SPON2: variants seen among roughly 807,000 people sequenced by gnomAD.
The protein encoded by SPON2 is spondin-2.
Under a neutral mutation model 29.9 loss-of-function variants are expected in SPON2, and 32 were observed. The observed-to-expected ratio is 1.07, with a 90% CI of 0.81 to 1.44. The LOEUF is 1.44. SPON2 is among the 40% of genes most tolerant of loss of function. The pLI is 0.00. For missense variants in SPON2, 541 were observed against 455.5 expected (o/e 1.19, Z -1.71); for synonymous variants, 248 against 209.1 (o/e 1.19, Z -1.61).
At position 1,170,603 on chromosome 4, in the gene SPON2, C is replaced by T. The variant is rs778330048; in HGVS notation, c.637-27G>A. 2.1e-5 allele frequency: 33 copies of T among 1,593,364 alleles called. 1 individual carries two copies. The highest frequency in any genetic ancestry group is 2.0e-4 in the South Asian group (18 of 89,406). ...TGGGGAGGAAGAAGAGGAGGTTGGCCTGGGGTCCGAGAAGCCCACCTTCTG... is the reference window on the plus strand; with the variant it reads ...TGGGGAGGAAGAAGAGGAGGTTGGCTTGGGGTCCGAGAAGCCCACCTTCTG... On this transcript the variant is annotated intron_variant, in intron 4 of 5. Transcript: ENST00000290902.
At chr4:1,196,426 G>A (rs996682491), upstream of SPON2, among the ~76,000 whole-genome samples, 1 of 152,246 alleles carries the variant, frequency 6.6e-6, no homozygotes, top group Non-Finnish European at 1.5e-5. Flanking sequence ...GGAAGTGCAC[G>A]TGAGCTCTGT....
chr4:1,183,105 G>C (rs1489589960), intron 1 of SPON2, among the ~76,000 whole-genome samples: 1 of 152,084 alleles, frequency 6.6e-6, no homozygotes, highest in Non-Finnish European at 1.5e-5. Context: ...GCTGGGTGTG[G>C]TGGTGCATGC....
At chr4:1,174,603 T>C (rs907673750), upstream of SPON2, among the ~76,000 whole-genome samples, 1 of 152,050 alleles carries the variant, frequency 6.6e-6, no homozygotes, top group Non-Finnish European at 1.5e-5. Context: ...ATTTTCTAAA[T>C]CATAACAGAA....
upstream of SPON2, among the ~76,000 whole-genome samples, chr4:1,196,525 G>A (rs369826140): frequency 3.5e-4 from 54 of 152,282 alleles, no homozygotes; most frequent in African/African-American, 1.2e-3. Context: ...GGTTACTCCC[G>A]AGACTCAGAG....
chr4:1,200,718 C>G (rs1217064193), intron 1 of SPON2: 1 of 432,004 alleles, frequency 2.3e-6, no homozygotes, highest in African/African-American at 2.0e-5. Context: ...GTGGACATCG[C>G]TGGACGGGGT....
Position 1,202,523 on chromosome 4 carries a change from C to T in SPON2, c.-234+5357G>A, listed in dbSNP as rs1477754414. On this transcript the variant is annotated intron_variant, in intron 1 of 3. Transcript: ENST00000509233. This position sits in a 1 kb window ranked among gnomAD's most constrained non-coding sequence, Gnocchi z 5.4. ...CAGGGGATGATCTTGGACTCCCTGC[C>T]CACCTTCCAGACACATGGGGGCAGG... Among the ~76,000 whole-genome samples the T allele has an allele frequency of 6.6e-6, 1 of 152,200 alleles. No individual in the cohort carries two copies. The highest frequency in any genetic ancestry group is 1.5e-5 in the Non-Finnish European group (1 of 68,024).
At chr4:1,194,237 G>T (rs1440698510) in intron 1 of SPON2, among the ~76,000 whole-genome samples, 2 of 152,154 alleles carry the variant, frequency 1.3e-5, no homozygotes, top group African/African-American at 4.8e-5. Flanking sequence ...TCGGCGAGGT[G>T]TGCGGGCCTC....
chr4:1,188,202 C>CAAAAAAAAAAAAAAAAAAAAAAAAAAAA, intron 1 of SPON2, among the ~76,000 whole-genome samples: 2 of 36,582 alleles, frequency 5.5e-5, no homozygotes, highest in Non-Finnish European at 1.1e-4. Flanking sequence ...GACTCCGTCT[C>CAAAAAAAAAAAAAAAAAAAAAAAAAAAA]AAAAAAAAAA....
chr4:1,190,799 C>T (rs1043310014), intron 1 of SPON2, among the ~76,000 whole-genome samples: 9 of 152,098 alleles, frequency 5.9e-5, no homozygotes, highest in African/African-American at 1.7e-4. Context: ...AAATCAGTCA[C>T]GTTTCTAAAA....
intron 2 of SPON2, among the ~76,000 whole-genome samples, chr4:1,179,211 A>T (rs1203825850): frequency 8.4e-6 from 1 of 118,562 alleles, no homozygotes; most frequent in Non-Finnish European, 2.0e-5. Flanking sequence ...GACTGCAGCC[A>T]CCATGCCAGG....
chr4:1,176,839 G>A (rs1560204738), upstream of SPON2, among the ~76,000 whole-genome samples: 4 of 147,630 alleles, frequency 2.7e-5, no homozygotes, highest in African/African-American at 1.0e-4. Context: ...CATTCACACA[G>A]TTCATTCACA....
chr4:1,207,657 T>C (rs1433791563), intron 1 of SPON2, among the ~76,000 whole-genome samples: 1 of 149,594 alleles, frequency 6.7e-6, no homozygotes, highest in African/African-American at 2.5e-5. Flanking sequence ...TGCCTAACCA[T>C]GCGCCGCGCT....
chr4:1,206,739 A>G (rs1728351222), intron 1 of SPON2, among the ~76,000 whole-genome samples: 1 of 152,204 alleles, frequency 6.6e-6, no homozygotes, highest in South Asian at 2.1e-4. Context: ...CTCAGGGGGC[A>G]GAAGAGCCGG....
At chr4:1,175,246 G>A (rs1727569563), upstream of SPON2, among the ~76,000 whole-genome samples, 2 of 152,264 alleles carry the variant, frequency 1.3e-5, no homozygotes, top group South Asian at 4.1e-4. Flanking sequence ...TCTGGGGCAT[G>A]TTCCTGTGTA....
At position 1,171,717 on chromosome 4, in the gene SPON2, G is replaced by A. The variant is rs1354715931; in HGVS notation, c.220+135C>T. 8 of 806,142 alleles carry A rather than the reference G, an allele frequency of 9.9e-6. 1 individual carries two copies. Among genetic ancestry groups the A allele is most frequent in the African/African-American group, 5.0e-5 (3 of 59,526 alleles). The allele number at this position is 806,142 out of a possible 1,614,324, so 49.9% of individuals were successfully genotyped here. ...CGGAACCGCACACCGCAGGCGCTCGGCAAACATTCTGGTGTTAGAGTCTCC... is the reference window on the plus strand; with the variant it reads ...CGGAACCGCACACCGCAGGCGCTCGACAAACATTCTGGTGTTAGAGTCTCC... On this transcript the variant is annotated intron_variant, in intron 2 of 5. Transcript: ENST00000290902.
chr4:1,174,963 G>T (rs1727563161), upstream of SPON2, among the ~76,000 whole-genome samples: 1 of 152,194 alleles, frequency 6.6e-6, no homozygotes, highest in Non-Finnish European at 1.5e-5. Context: ...GGAGCAAAAG[G>T]TGCCCTCATG....
Position 1,171,938 on chromosome 4 carries a change from A to T in SPON2, c.134T>A (p.Ile45Asn). Residue 45 changes from isoleucine (I) to asparagine (N), a missense_variant, in exon 2 of 6, where the codon ATC (isoleucine) becomes AAC (asparagine). By Grantham distance (149) the Ile-to-Asn change is moderately radical. Transcript: ENST00000290902. ...CSARALAKYS[I>N]TFTGKWSQTA... Reference sequence around the variant, plus strand: ...CTGGCTCCACTTGCCCGTGAAGGTGATGCTGTATTTGGCCAGGGCTCTGGC... The same window carrying T: ...CTGGCTCCACTTGCCCGTGAAGGTGTTGCTGTATTTGGCCAGGGCTCTGGC... 5 of 1,612,802 alleles carry T rather than the reference A, an allele frequency of 3.1e-6. No homozygotes were observed. The highest frequency in any genetic ancestry group is 4.2e-6 in the Non-Finnish European group (5 of 1,179,824).
chr4:1,171,224 G>C (rs1361521091), intron 3 of SPON2, 34 bp from the exon 4 acceptor site: 15 of 1,442,558 alleles, frequency 1.0e-5, no homozygotes, highest in East Asian at 2.8e-5. Flanking sequence ...GCCTGGCCCC[G>C]GCCCCCCGGA....
In SPON2 at chr4:1,171,131, C is replaced by T; in HGVS notation, c.504G>A (p.Leu168=). 1 of 1,553,954 alleles carries T rather than the reference C, an allele frequency of 6.4e-7. No homozygotes were observed. The highest frequency in any genetic ancestry group is 8.7e-7 in the Non-Finnish European group (1 of 1,148,984). Residue 168 remains leucine (L), a synonymous_variant, in exon 4 of 6, where the codon CTG becomes CTA. Transcript: ENST00000290902. ...SPDWFVGVDS[L]DLCDGDRWRE... The stretch of plus-strand genomic sequence containing the variant: ...GCCAACGGTCCCCGTCGCACAGGTC[C>T]AGGCTGTCCACGCCCACGAACCAGT...
Sources: allele counts gnomAD v4.1 joint callset (sites outside exome capture counted in the v4.1 genomes callset), GRCh38; gene constraint gnomAD v4.1.1; non-coding constraint Gnocchi (gnomAD v3.1); transcripts MANE v1.5; gene names NCBI Gene and HGNC (gene_info 2026-07-23, HGNC 2026-07-21).